The following SYT1 variants were observed in gnomAD, a reference collection of about 807,000 sequenced individuals.
SYT1 encodes synaptotagmin 1.
In SYT1, 8 loss-of-function variants were observed where a neutral mutation model predicts 44.8. The observed-to-expected ratio is 0.18, with a 90% CI of 0.10 to 0.32. The LOEUF (loss-of-function observed/expected upper bound fraction) is 0.32. SYT1 is among the 10% of genes least tolerant of loss of function. SYT1 has a pLI of 1.00. For missense variants in SYT1, 286 were observed against 509.3 expected (o/e 0.56, Z 4.22); for synonymous variants, 154 against 188.8 (o/e 0.82, Z 1.51).
At chr12:78,888,855 C>T (rs1054641959) in intron 1 of SYT1, among the ~76,000 whole-genome samples, 7 of 151,868 alleles carry the variant, frequency 4.6e-5, no homozygotes, top group Admixed American at 6.6e-5. Context: ...TTCTTTAAGG[C>T]GTCTGGTATT....
chr12:79,281,942 G>A (rs899148818), intron 4 of SYT1, among the ~76,000 whole-genome samples: 4 of 152,182 alleles, frequency 2.6e-5, no homozygotes, highest in Non-Finnish European at 4.4e-5. Flanking sequence ...TCTTGAAGGT[G>A]TAGGGGAGAA....
chr12:79,136,241 C>G (rs901734192), intron 3 of SYT1, among the ~76,000 whole-genome samples: 32 of 152,108 alleles, frequency 2.1e-4, no homozygotes, highest in Admixed American at 6.6e-5. Flanking sequence ...AGTCTGGCAC[C>G]TGGTAACTGC....
chr12:79,348,673 T>C (rs1882711025), intron 8 of SYT1, among the ~76,000 whole-genome samples: 1 of 152,110 alleles, frequency 6.6e-6, no homozygotes, highest in African/African-American at 2.4e-5. Context: ...ATCAGACTAC[T>C]TCAGAAAATA....
At chr12:79,062,323 G>A (rs545323094) in intron 3 of SYT1, among the ~76,000 whole-genome samples, 42 of 152,300 alleles carry the variant, frequency 2.8e-4, no homozygotes, top group African/African-American at 9.4e-4. Flanking sequence ...TCTGACAGTA[G>A]CTGCCTACCA....
chr12:79,138,556 G>C (rs1389631724), intron 3 of SYT1, among the ~76,000 whole-genome samples: 1 of 152,124 alleles, frequency 6.6e-6, no homozygotes, highest in Non-Finnish European at 1.5e-5. Context: ...GCAACTTTGG[G>C]TAAATTACCT....
At chr12:78,919,640 C>T (rs937738629) in intron 1 of SYT1, among the ~76,000 whole-genome samples, 2 of 152,028 alleles carry the variant, frequency 1.3e-5, no homozygotes, top group African/African-American at 2.4e-5. Context: ...TGTATATTTA[C>T]TGCTTCCTTT....
rs1871057000 is a variant in SYT1, at chr12:79,451,497, T to A, written c.*2373T>A. The A allele has an allele frequency of 6.6e-6, 1 of 152,204 alleles. No homozygotes were observed. The highest frequency in any genetic ancestry group is 2.4e-5 in the African/African-American group (1 of 41,440). The allele number at this position is 152,204 out of a possible 1,614,324, so 9.4% of individuals were successfully genotyped here. On this transcript the variant is annotated 3_prime_UTR_variant, in exon 11 of 11. Coordinates refer to ENST00000261205, the MANE Select transcript of SYT1 (RefSeq NM_005639.3). Reference sequence around the variant, plus strand: ...GAAACCACACTTTCAAACAAGCAGGTTCAAGCTGCTGAATAGACATTATTT... The same window carrying A: ...GAAACCACACTTTCAAACAAGCAGGATCAAGCTGCTGAATAGACATTATTT...
intron 8 of SYT1, among the ~76,000 whole-genome samples, chr12:79,350,726 A>G (rs1009928614): frequency 2.0e-5 from 3 of 152,186 alleles, no homozygotes; most frequent in African/African-American, 7.2e-5. Context: ...TTGGTAGACA[A>G]TTATTAAAGC....
intron 7 of SYT1, among the ~76,000 whole-genome samples, chr12:79,298,303 A>C (rs756987686): frequency 6.6e-6 from 1 of 152,158 alleles, no homozygotes; most frequent in Non-Finnish European, 1.5e-5. Context: ...GATGATGCTT[A>C]CTTTTTAATC....
At chr12:79,051,991 G>A (rs1174380831) in intron 3 of SYT1, among the ~76,000 whole-genome samples, 1 of 152,014 alleles carries the variant, frequency 6.6e-6, no homozygotes, top group African/African-American at 2.4e-5. Flanking sequence ...TTTTGGCTTA[G>A]GATTGACTTG....
chr12:79,039,684 C>T (rs369290814), intron 2 of SYT1, among the ~76,000 whole-genome samples: 6 of 149,918 alleles, frequency 4.0e-5, no homozygotes, highest in South Asian at 4.2e-4. Context: ...AGGTTAGTTA[C>T]ATATGTATAC....
chr12:79,241,420 G>C (rs142788567), intron 4 of SYT1, among the ~76,000 whole-genome samples: 2,271 of 152,024 alleles, frequency 0.015, 38 homozygotes, highest in African/African-American at 0.045. Context: ...ACAGGTGGGC[G>C]CCACCATGCC....
chr12:79,134,963 AAGT>A (rs1025573298), intron 3 of SYT1, among the ~76,000 whole-genome samples: 5 of 151,340 alleles, frequency 3.3e-5, no homozygotes, highest in Admixed American at 6.6e-5. Context: ...TTTGCAAAGA[AAGT>A]AGATCTTAAA....
intron 1 of SYT1, among the ~76,000 whole-genome samples, chr12:78,868,343 C>T (rs1265980901): frequency 6.6e-6 from 1 of 151,786 alleles, no homozygotes. Flanking sequence ...GTCTTGCATG[C>T]ATTCTGCAGA....
At position 79,116,053 on chromosome 12, in the gene SYT1, G is replaced by T. The variant is rs561173360; in HGVS notation, c.-18+68691G>T. The stretch of plus-strand genomic sequence containing the variant: ...TGATACCTGGTTCTGTCACTAACTA[G>T]CTGGATGACCTTGGAATTATCATTT... On this transcript the variant is annotated intron_variant, in intron 3 of 10. Coordinates refer to ENST00000261205, the MANE Select transcript of SYT1 (RefSeq NM_005639.3). 7.9e-5 allele frequency among the ~76,000 whole-genome samples: 12 copies of T among 152,312 alleles called. No individual in the cohort carries two copies. In the East Asian group the frequency reaches 1.5e-3, roughly 20 times the overall value.
At chr12:78,931,394 A>G (rs113826036) in intron 1 of SYT1, among the ~76,000 whole-genome samples, 1,535 of 110,172 alleles carry the variant, frequency 0.014, 112 homozygotes, top group Admixed American at 0.023. Flanking sequence ...GGAAGGAAGG[A>G]AGGGAGGAGA....
chr12:79,192,813 CA>C (rs1873212136), intron 3 of SYT1, among the ~76,000 whole-genome samples: 1 of 152,092 alleles, frequency 6.6e-6, no homozygotes, highest in South Asian at 2.1e-4. Flanking sequence ...ATTACTTATT[CA>C]AATTTTAAGA....
At position 78,929,446 on chromosome 12, in the gene SYT1, A is replaced by AAAAAAAAAAG. The variant is rs373264605; in HGVS notation, c.-216-48353_-216-48352insAAAAAAAAAG. The stretch of plus-strand genomic sequence containing the variant: ...AAAAAAAAAAAAAAAAAAAAAAAAA[A>AAAAAAAAAAG]GGTTATTAGCAGCAATTAGTTTTAT... On this transcript the variant is annotated intron_variant, in intron 1 of 10. Coordinates refer to ENST00000261205, the MANE Select transcript of SYT1 (RefSeq NM_005639.3). Among the ~76,000 whole-genome samples the AAAAAAAAAAG allele has an allele frequency of 1.1e-3, 144 of 128,570 alleles. 26 individuals are homozygous for AAAAAAAAAAG. The highest frequency in any genetic ancestry group is 5.3e-3 in the African/African-American group (137 of 25,888). The allele number at this position is 128,570 out of a possible 152,430, so 84.3% of individuals were successfully genotyped here.
chr12:78,877,987 T>C (rs545615799), intron 1 of SYT1, among the ~76,000 whole-genome samples: 1 of 151,934 alleles, frequency 6.6e-6, no homozygotes, highest in East Asian at 1.9e-4. Flanking sequence ...GAATTTATAA[T>C]CCATTATTTT....
Sources: gnomAD v4.1 joint callset for allele counts (sites outside exome capture counted in the v4.1 genomes callset) on GRCh38, gnomAD v4.1.1 for gene constraint, MANE v1.5 for transcripts, NCBI Gene and HGNC (gene_info 2026-07-23, HGNC 2026-07-21) for gene names.